Variants in NLN observed in about 807,000 individuals in gnomAD.
NLN encodes neurolysin, mitochondrial.
NLN carries 64 observed loss-of-function variants against 79.9 expected under a neutral mutation model. The observed-to-expected ratio is 0.80, with a 90% CI of 0.65 to 0.99. NLN has a LOEUF of 0.99. Ranked by LOEUF, NLN falls within the 50% of genes least tolerant of loss-of-function variation. The pLI, the probability that NLN is intolerant of heterozygous loss-of-function variation, is 0.00. For missense variants in NLN, 835 were observed against 858.7 expected, an observed-to-expected ratio of 0.97 and a Z score of 0.34; for synonymous variants, 267 against 296.6, an observed-to-expected ratio of 0.90 and a Z score of 1.02.
chr5:65,805,187 GC>G (rs1347802281), intron 9 of NLN, among the ~76,000 whole-genome samples: 2 of 152,034 alleles, frequency 1.3e-5, no homozygotes, highest in Middle Eastern at 3.2e-3. Flanking sequence ...CCCTCTTTTG[GC>G]CTCCTATCTG....
rs1554032488 is a variant in NLN, at chr5:65,781,403, T to TA, written c.806dup (p.Asn269LysfsTer29). ...CCAGAAGAAGGATGGAAATGGCTTTTAATACAAGGTGCAAAGAGGTATTAT... is the reference window on the plus strand; with the variant it reads ...CCAGAAGAAGGATGGAAATGGCTTTTAAATACAAGGTGCAAAGAGGTATTAT... On this transcript the variant is annotated frameshift_variant, in exon 6 of 13. Coordinates refer to ENST00000380985, the MANE Select transcript of NLN (RefSeq NM_020726.5). LOFTEE classifies it high-confidence loss of function. 8 of 1,606,626 alleles carry TA rather than the reference T, an allele frequency of 5.0e-6. No homozygotes were observed. Among genetic ancestry groups the TA allele is most frequent in the African/African-American group, 1.3e-5 (1 of 74,732 alleles).
intron 9 of NLN, among the ~76,000 whole-genome samples, chr5:65,798,085 C>T (rs1342541979): frequency 6.6e-6 from 1 of 152,120 alleles, no homozygotes; most frequent in Non-Finnish European, 1.5e-5. Context: ...AAGGTTAGAC[C>T]AGCCAAGACC....
chr5:65,808,185 A>G (rs970620669), intron 9 of NLN, among the ~76,000 whole-genome samples: 5 of 152,202 alleles, frequency 3.3e-5, no homozygotes, highest in African/African-American at 9.6e-5. Flanking sequence ...CGGCACAATT[A>G]TAATGAGAAA....
chr5:65,733,562 C>T, intron 1 of NLN: 1 of 1,498,556 alleles, frequency 6.7e-7, no homozygotes, highest in Non-Finnish European at 9.2e-7. Context: ...TCAGGGAAGT[C>T]AGGCAGCCCA....
At position 65,722,430 on chromosome 5, in the gene NLN, G is replaced by C. The variant is rs1292037868; in HGVS notation, c.41+16G>C. On this transcript the variant is annotated intron_variant, in intron 1 of 12. Transcript: ENST00000380985. ...GCCTCCGCAGGTACCTCCAGCGCGC[G>C]GGTTAACCTTGGCCGTGGGCAGGGC... 1.9e-6 allele frequency: 3 copies of C among 1,580,132 alleles called. No homozygotes were observed. The highest frequency in any genetic ancestry group is 2.8e-5 in the African/African-American group (2 of 72,624).
chr5:65,801,519 T>C (rs1014483414), intron 9 of NLN, among the ~76,000 whole-genome samples: 1 of 152,198 alleles, frequency 6.6e-6, no homozygotes, highest in African/African-American at 2.4e-5. Context: ...AGGTTCTTTG[T>C]CCTCCTTTTT....
chr5:65,796,298 A>G (rs1434692485), intron 9 of NLN, among the ~76,000 whole-genome samples: 1 of 152,206 alleles, frequency 6.6e-6, no homozygotes, highest in Non-Finnish European at 1.5e-5. Context: ...TCAGTTCTCC[A>G]CAACTCATTC....
chr5:65,781,457 G>A (rs1423812587), intron 6 of NLN, 36 bp downstream of exon 6: 1 of 1,483,898 alleles, frequency 6.7e-7, no homozygotes, highest in Admixed American at 1.8e-5. Flanking sequence ...TGTTTTTAAT[G>A]GAATATTTTA....
intron 11 of NLN, among the ~76,000 whole-genome samples, chr5:65,810,992 G>A (rs1554034655): frequency 1.3e-5 from 2 of 152,012 alleles, no homozygotes; most frequent in Non-Finnish European, 1.5e-5. Context: ...AAAAATAAAG[G>A]GTATTTGGGG....
At position 65,733,093 on chromosome 5, in the gene NLN, C is replaced by G. The variant is rs1758647630; in HGVS notation, c.41+10679C>G. On this transcript the variant is annotated intron_variant, in intron 1 of 12. Transcript: ENST00000380985. Reference sequence around the variant, plus strand: ...GCCCATAACTAATTTCTTGCTCTCCCCAGGTGCCTCAAGAACCTCTTGGGG... The same window carrying G: ...GCCCATAACTAATTTCTTGCTCTCCGCAGGTGCCTCAAGAACCTCTTGGGG... 4.3e-6 allele frequency: 6 copies of G among 1,400,240 alleles called. 1 individual carries two copies. Among genetic ancestry groups the G allele is most frequent in the Non-Finnish European group, 6.0e-6 (6 of 999,746 alleles). 86.7% of individuals were successfully genotyped at this position (1,400,240 alleles called of 1,614,324 possible).
chr5:65,799,646 G>C (rs1760241407), intron 9 of NLN, among the ~76,000 whole-genome samples: 2 of 152,188 alleles, frequency 1.3e-5, no homozygotes, highest in Non-Finnish European at 2.9e-5. Context: ...AGATGTACCT[G>C]ATCAGGAAGG....
intron 2 of NLN, 64 bp downstream of exon 2, chr5:65,758,890 T>C (rs1759281307): frequency 7.0e-7 from 1 of 1,434,134 alleles, no homozygotes; most frequent in Non-Finnish European, 9.6e-7. Flanking sequence ...ATTTCATGCT[T>C]TCTGTCTTTC....
At chr5:65,742,229 T>C (rs948361652) in intron 1 of NLN, among the ~76,000 whole-genome samples, 7 of 151,552 alleles carry the variant, frequency 4.6e-5, no homozygotes, top group East Asian at 1.9e-4. Context: ...AAATGGATCA[T>C]AAACATTTTG....
chr5:65,761,995 A>G (rs979556829), intron 2 of NLN, among the ~76,000 whole-genome samples: 10 of 152,232 alleles, frequency 6.6e-5, no homozygotes, highest in African/African-American at 2.4e-4. Context: ...AACCATCACT[A>G]TAAACCATAC....
At chr5:65,784,981 AT>A (rs763805985) in intron 6 of NLN, among the ~76,000 whole-genome samples, 7 of 152,150 alleles carry the variant, frequency 4.6e-5, no homozygotes, top group Non-Finnish European at 7.3e-5. Flanking sequence ...AGGGTCATCC[AT>A]GTTGTAGCAT....
Position 65,827,383 on chromosome 5 carries a change from T to C in NLN, c.*4468T>C, listed in dbSNP as rs1358164287. 2 of 152,238 alleles carry C rather than the reference T, an allele frequency of 1.3e-5. No individual in the cohort carries two copies. Among genetic ancestry groups the C allele is most frequent in the East Asian group, 1.9e-4 (1 of 5,200 alleles). The allele number at this position is 152,238 out of a possible 1,614,324, so 9.4% of individuals were successfully genotyped here. A position where few individuals can be genotyped will look rare whatever the true frequency, so the allele number is the denominator to read the frequency against. On this transcript the variant is annotated 3_prime_UTR_variant, in exon 13 of 13. Transcript: ENST00000380985. The stretch of plus-strand genomic sequence containing the variant: ...GAACCTGTACTAGCTGCATATTTCA[T>C]AGACCCCAGAGGCTCACCTCAATTG...
At chr5:65,774,542 CT>C (rs941145664) in intron 3 of NLN, among the ~76,000 whole-genome samples, 1 of 152,046 alleles carries the variant, frequency 6.6e-6, no homozygotes, top group African/African-American at 2.4e-5. Context: ...TAGGAATGTG[CT>C]TAAGTAGCAC....
intron 1 of NLN, among the ~76,000 whole-genome samples, chr5:65,742,488 G>A (rs981119584): frequency 4.6e-5 from 7 of 152,098 alleles, no homozygotes; most frequent in African/African-American, 7.2e-5. Context: ...GATGCTAGAG[G>A]CTACTCAAAA....
chr5:65,787,472 C>T lies in NLN; in HGVS notation c.959-646C>T, dbSNP rs569313714. On this transcript the variant is annotated intron_variant, in intron 7 of 12. Coordinates refer to ENST00000380985, the MANE Select transcript of NLN (RefSeq NM_020726.5). ...TTTGCAGAGCCAGGCATGTTTTTATCGTAACGTATGTAACAAAATGTAAAA... is the reference window on the plus strand; with the variant it reads ...TTTGCAGAGCCAGGCATGTTTTTATTGTAACGTATGTAACAAAATGTAAAA... Among the ~76,000 whole-genome samples the T allele has an allele frequency of 6.6e-5, 10 of 152,180 alleles. 1 individual carries two copies. Among genetic ancestry groups the T allele is most frequent in the African/African-American group, 1.4e-4 (6 of 41,534 alleles).
Sources: allele counts gnomAD v4.1 joint callset (sites outside exome capture counted in the v4.1 genomes callset), GRCh38; gene constraint gnomAD v4.1.1; transcripts MANE v1.5; gene names NCBI Gene and HGNC (gene_info 2026-07-23, HGNC 2026-07-21).